The following VPS41 variants were observed in gnomAD, a reference collection of about 807,000 sequenced individuals.
VPS41 encodes vacuolar protein sorting-associated protein 41 homolog.
VPS41 carries 85 observed loss-of-function variants against 130.9 expected under a neutral mutation model. The observed-to-expected ratio is 0.65, with a 90% CI of 0.55 to 0.78. The LOEUF is 0.78. VPS41 is among the 30% of genes least tolerant of loss of function. VPS41 has a pLI of 0.00. For synonymous variants in VPS41, 335 were observed against 332.9 expected (o/e 1.01, Z -0.07); for missense variants, 874 against 1,018.7 (o/e 0.86, Z 1.93).
chr7:38,740,092 G>A (rs1562566988), intron 25 of VPS41, among the ~76,000 whole-genome samples: 1 of 152,288 alleles, frequency 6.6e-6, no homozygotes, highest in East Asian at 1.9e-4. Context: ...TCATTGCGGA[G>A]GCTGGCGAAA....
At chr7:38,824,565 A>G (rs886781466) in intron 5 of VPS41, among the ~76,000 whole-genome samples, 1 of 152,204 alleles carries the variant, frequency 6.6e-6, no homozygotes, top group Non-Finnish European at 1.5e-5. Context: ...ATTCTTCTAC[A>G]TGCTATCTTT....
chr7:38,871,582 G>A (rs998216915), intron 2 of VPS41, among the ~76,000 whole-genome samples: 1 of 152,168 alleles, frequency 6.6e-6, no homozygotes, highest in Non-Finnish European at 1.5e-5. Context: ...CATACAGTGG[G>A]TAGAGGAGAA....
intron 3 of VPS41, among the ~76,000 whole-genome samples, chr7:38,867,237 T>C (rs977867379): frequency 6.6e-6 from 1 of 152,060 alleles, no homozygotes; most frequent in Non-Finnish European, 1.5e-5. Flanking sequence ...AAAAGATTCA[T>C]GAATAGGAGA....
chr7:38,863,833 C>A (rs906018214), intron 3 of VPS41, among the ~76,000 whole-genome samples: 3 of 152,138 alleles, frequency 2.0e-5, no homozygotes, highest in African/African-American at 7.2e-5. Context: ...AGACAGCAAG[C>A]CTGGTGAAAA....
chr7:38,899,973 C>T (rs1188651869), intron 1 of VPS41, among the ~76,000 whole-genome samples: 2 of 152,124 alleles, frequency 1.3e-5, no homozygotes, highest in Non-Finnish European at 2.9e-5. Context: ...CTGGGCTGGG[C>T]ACAGTGGCTC....
At chr7:38,804,467 C>T (rs1264183838) in intron 7 of VPS41, among the ~76,000 whole-genome samples, 1 of 152,238 alleles carries the variant, frequency 6.6e-6, no homozygotes, top group African/African-American at 2.4e-5. Context: ...GCAACACAGA[C>T]TTTGGACATG....
chr7:38,887,129 G>C (rs1208922526), intron 2 of VPS41, among the ~76,000 whole-genome samples: 1 of 152,188 alleles, frequency 6.6e-6, no homozygotes, highest in African/African-American at 2.4e-5. Context: ...CTCCTCCAAA[G>C]GAACACAACT....
intron 2 of VPS41, among the ~76,000 whole-genome samples, chr7:38,881,072 T>TA (rs11421069): frequency 0.019 from 2,825 of 152,086 alleles, 93 homozygotes; most frequent in African/African-American, 0.064. Flanking sequence ...ATCATTGCTG[T>TA]AAAAAAAATG....
intron 7 of VPS41, 81 bp from the exon 8 acceptor site, chr7:38,796,945 C>G (rs1784632768): frequency 6.5e-7 from 1 of 1,530,054 alleles, no homozygotes; most frequent in African/African-American, 1.4e-5. Context: ...TTTTACCTAT[C>G]CTCGTGACCA....
At chr7:38,732,646 A>C (rs1176292216) in intron 25 of VPS41, among the ~76,000 whole-genome samples, 1 of 152,104 alleles carries the variant, frequency 6.6e-6, no homozygotes, top group Non-Finnish European at 1.5e-5. Context: ...CTATTGATTT[A>C]TGTATTATTT....
rs1784178746 is a variant in VPS41 at position 38,772,752 on chromosome 7, A to G, written c.1013-115T>C. 11 of 613,972 alleles carry G rather than the reference A, an allele frequency of 1.8e-5. 1 individual carries two copies. In the South Asian group the frequency reaches 2.2e-4, roughly 12 times the overall value. The allele number at this position is 613,972 out of a possible 1,614,324, so 38.0% of individuals were successfully genotyped here. On this transcript the variant is annotated intron_variant, in intron 12 of 28. Coordinates refer to ENST00000310301, the MANE Select transcript of VPS41 (RefSeq NM_014396.4). ...CCAAGAGCGAACAGAAAATGTGTCT[A>G]TCTTTGTTGTGTGTTTGGCTCTGCT...
intron 4 of VPS41, among the ~76,000 whole-genome samples, chr7:38,860,750 C>T (rs573817412): frequency 1.1e-4 from 16 of 148,618 alleles, no homozygotes; most frequent in South Asian, 6.4e-4. Flanking sequence ...TGTGGACATA[C>T]GCATCGCAAG....
chr7:38,756,641 A>G (rs976825858), intron 19 of VPS41, among the ~76,000 whole-genome samples, 197 bp downstream of exon 19: 3 of 152,238 alleles, frequency 2.0e-5, no homozygotes, highest in Non-Finnish European at 4.4e-5. Flanking sequence ...CAGAATAACT[A>G]CATTATGAAA....
At chr7:38,764,900 A>G (rs1784005023) in intron 16 of VPS41, among the ~76,000 whole-genome samples, 1 of 152,146 alleles carries the variant, frequency 6.6e-6, no homozygotes, top group South Asian at 2.1e-4. Context: ...GGGAGGCACG[A>G]CTGGATAAAA....
chr7:38,825,205 T>C (rs905891648), intron 5 of VPS41, among the ~76,000 whole-genome samples: 1 of 152,202 alleles, frequency 6.6e-6, no homozygotes, highest in Non-Finnish European at 1.5e-5. Context: ...AACTCTCTGG[T>C]CAGTTTCTAT....
chr7:38,768,876 C>T (rs1421149087), intron 14 of VPS41, among the ~76,000 whole-genome samples: 1 of 152,086 alleles, frequency 6.6e-6, no homozygotes, highest in East Asian at 1.9e-4. Context: ...TGTTTAAGTG[C>T]CTCTCTTACA....
chr7:38,772,472 T>C, intron 13 of VPS41, 50 bp downstream of exon 13: 1 of 1,259,570 alleles, frequency 7.9e-7, no homozygotes, highest in Non-Finnish European at 1.1e-6. Context: ...ATCTTCTCTC[T>C]CTATGCTGTA....
intron 7 of VPS41, among the ~76,000 whole-genome samples, chr7:38,804,228 T>C (rs1385496368): frequency 2.0e-5 from 3 of 152,106 alleles, no homozygotes; most frequent in Non-Finnish European, 4.4e-5. Context: ...AGGTTTGTTA[T>C]GTAGGTAAAC....
At chr7:38,837,637 C>A (rs1785523433) in intron 4 of VPS41, among the ~76,000 whole-genome samples, 1 of 152,180 alleles carries the variant, frequency 6.6e-6, no homozygotes, top group Non-Finnish European at 1.5e-5. Flanking sequence ...CCACAACTTG[C>A]AGTGTATGTC....
Sources: gnomAD v4.1 joint callset for allele counts (sites outside exome capture counted in the v4.1 genomes callset) on GRCh38, gnomAD v4.1.1 for gene constraint, MANE v1.5 for transcripts, NCBI Gene and HGNC (gene_info 2026-07-23, HGNC 2026-07-21) for gene names.